The following ROBO2 variants were observed in gnomAD, a reference collection of about 807,000 sequenced individuals.
ROBO2 encodes the protein roundabout guidance receptor 2.
In ROBO2, 53 loss-of-function variants were observed where a neutral mutation model predicts 160.8. The observed-to-expected ratio is 0.33, with a 90% confidence interval of 0.26 to 0.41. ROBO2 has a LOEUF of 0.41. Among genes scored for constraint, ROBO2 ranks in the 10% least tolerant of loss-of-function variants. The pLI is 1.00. For missense variants in ROBO2, 1,577 were observed against 1,722.4 expected (o/e 0.92, Z 1.49); for synonymous variants, 664 against 611.7 (o/e 1.09, Z -1.26).
At chr3:76,183,597 T>G (rs1334051155) in intron 2 of ROBO2, among the ~76,000 whole-genome samples, 1 of 152,116 alleles carries the variant, frequency 6.6e-6, no homozygotes, top group Non-Finnish European at 1.5e-5. Context: ...AGAGCTGTCA[T>G]ATTACATGCA....
intron 2 of ROBO2, among the ~76,000 whole-genome samples, chr3:77,202,609 G>A (rs542134566): frequency 6.6e-6 from 1 of 152,174 alleles, no homozygotes; most frequent in Non-Finnish European, 1.5e-5. Flanking sequence ...TGAAATCTAA[G>A]AAATCTAAGA....
intron 2 of ROBO2, among the ~76,000 whole-genome samples, chr3:76,946,219 T>A (rs749294444): frequency 5.3e-5 from 8 of 152,142 alleles, no homozygotes; most frequent in Non-Finnish European, 1.2e-4. Flanking sequence ...ATTATGAGGT[T>A]TTATGCACTG....
At chr3:76,984,049 A>T (rs1334995772) in intron 2 of ROBO2, among the ~76,000 whole-genome samples, 1 of 152,182 alleles carries the variant, frequency 6.6e-6, no homozygotes, top group Non-Finnish European at 1.5e-5. Flanking sequence ...CCAGAGGCTT[A>T]TAAAACCATC....
chr3:77,162,782 A>T (rs981503173), intron 2 of ROBO2, among the ~76,000 whole-genome samples: 2 of 152,200 alleles, frequency 1.3e-5, no homozygotes, highest in Admixed American at 1.3e-4. Context: ...GGTCAGAGAC[A>T]TTCAGAATCC....
intron 2 of ROBO2, among the ~76,000 whole-genome samples, chr3:76,576,777 T>TCA (rs1553810267): frequency 3.6e-5 from 1 of 27,784 alleles, no homozygotes; most frequent in Non-Finnish European, 1.6e-4. Flanking sequence ...AAACTCCGTC[T>TCA]CACAAAAAAA....
chr3:76,711,327 G>C (rs767917777), intron 2 of ROBO2, among the ~76,000 whole-genome samples: 1 of 152,168 alleles, frequency 6.6e-6, no homozygotes. Flanking sequence ...ATCAGGAGAA[G>C]AGCAAGAGGG....
chr3:76,329,100 C>A (rs1034455648), intron 2 of ROBO2, among the ~76,000 whole-genome samples: 1 of 151,854 alleles, frequency 6.6e-6, no homozygotes, highest in Non-Finnish European at 1.5e-5. Flanking sequence ...GCACACTCAG[C>A]GCAGGAAGCA....
At chr3:77,107,902 T>C (rs956660958) in intron 2 of ROBO2, among the ~76,000 whole-genome samples, 1 of 152,218 alleles carries the variant, frequency 6.6e-6, no homozygotes, top group African/African-American at 2.4e-5. Flanking sequence ...GTATATTTGA[T>C]ATAAACCATT....
intron 2 of ROBO2, among the ~76,000 whole-genome samples, chr3:75,958,755 A>G (rs1948804416): frequency 6.6e-6 from 1 of 151,792 alleles, no homozygotes; most frequent in South Asian, 2.1e-4. Context: ...ACAAATTCTT[A>G]TATCTTTAGT....
intron 2 of ROBO2, among the ~76,000 whole-genome samples, chr3:76,998,132 G>A (rs951176871): frequency 6.6e-6 from 1 of 152,140 alleles, no homozygotes; most frequent in Non-Finnish European, 1.5e-5. Context: ...ACAATGTTCT[G>A]TGGTCAGTTT....
intron 2 of ROBO2, among the ~76,000 whole-genome samples, chr3:77,447,617 T>G (rs2080679251): frequency 6.6e-6 from 1 of 152,134 alleles, no homozygotes; most frequent in Non-Finnish European, 1.5e-5. Context: ...TGAGACGGAA[T>G]TCATTTTTTA....
rs545693346 is a variant in ROBO2, at chr3:75,935,910, T to TA, written c.-13-1570dup. 7.0e-4 allele frequency among the ~76,000 whole-genome samples: 107 copies of TA among 152,320 alleles called. No homozygotes were observed. The Middle Eastern group carries it at 0.017, about 24-fold the overall frequency. On this transcript the variant is annotated intron_variant, in intron 1 of 26. Transcript: ENST00000487694. The stretch of plus-strand genomic sequence containing the variant: ...ATAACCTGATGACTAGGGGATCGTG[T>TA]AGCATTTCTCTAAGCCTTGTTTTTC...
rs13084815 is a variant in ROBO2, at chr3:77,407,069, T to C, written c.389-70345T>C. ...TTAAACTCCTGGGCTCAAGCAAACC[T>C]GCTGCCTTGGCCTCCCAAAGTGCTG... On this transcript the variant is annotated intron_variant, in intron 2 of 25. Coordinates refer to ENST00000461745, the Ensembl canonical transcript of ROBO2. Among the ~76,000 whole-genome samples the C allele has an allele frequency of 3.8e-3, 586 of 152,246 alleles. 3 individuals carry two copies. The highest frequency in any genetic ancestry group is 0.02 in the Middle Eastern group (6 of 294).
intron 2 of ROBO2, among the ~76,000 whole-genome samples, chr3:77,101,707 A>G (rs1365306276): frequency 6.6e-6 from 1 of 152,192 alleles, no homozygotes; most frequent in Non-Finnish European, 1.5e-5. Flanking sequence ...GAATATGGGC[A>G]GTGAAGTGGC....
At chr3:76,053,293 CAT>C (rs1321190145) in intron 2 of ROBO2, among the ~76,000 whole-genome samples, 1 of 151,974 alleles carries the variant, frequency 6.6e-6, no homozygotes, top group Non-Finnish European at 1.5e-5. Flanking sequence ...GTTACTGAGA[CAT>C]AGAGCTTTGA....
At chr3:76,141,026 TACACAC>T (rs544903745) in intron 2 of ROBO2, among the ~76,000 whole-genome samples, 4 of 126,096 alleles carry the variant, frequency 3.2e-5, no homozygotes, top group African/African-American at 5.9e-5. Context: ...TAGAAAATTG[TACACAC>T]ACACACACAC....
intron 2 of ROBO2, among the ~76,000 whole-genome samples, chr3:76,545,065 C>T (rs2083022064): frequency 6.6e-6 from 1 of 151,772 alleles, no homozygotes; most frequent in African/African-American, 2.4e-5. Context: ...TTTTTTTACT[C>T]CATATTATGT....
At chr3:77,228,735 A>G (rs2086798750) in intron 2 of ROBO2, among the ~76,000 whole-genome samples, 1 of 151,778 alleles carries the variant, frequency 6.6e-6, no homozygotes, top group Non-Finnish European at 1.5e-5. Flanking sequence ...CTTAAGTATA[A>G]TAATAAAAAA....
intron 2 of ROBO2, among the ~76,000 whole-genome samples, chr3:76,048,143 G>A (rs1383684094): frequency 2.0e-5 from 3 of 152,096 alleles, no homozygotes; most frequent in Non-Finnish European, 4.4e-5. Flanking sequence ...TGAATGAAAA[G>A]TGGAGTAAAT....
Sources: gnomAD v4.1 joint callset for allele counts (sites outside exome capture counted in the v4.1 genomes callset) on GRCh38, gnomAD v4.1.1 for gene constraint, MANE v1.5 for transcripts, NCBI Gene and HGNC (gene_info 2026-07-23, HGNC 2026-07-21) for gene names.